Variants in TRRAP observed in about 807,000 individuals in gnomAD.
TRRAP encodes the protein transformation/transcription domain associated protein, also known as transformation/transcription domain-associated protein.
A neutral mutation model predicts 438.8 loss-of-function variants in TRRAP; 41 were observed. The ratio of observed to expected loss-of-function variants is 0.09; its 90% CI spans 0.07 to 0.12. TRRAP has a LOEUF of 0.12. Among genes scored for constraint, TRRAP ranks in the 10% least tolerant of loss-of-function variants. The pLI is 1.00. For missense variants in TRRAP, 3,122 were observed against 5,055.1 expected (o/e 0.62, Z 11.60); for synonymous variants, 1,994 against 1,962.9 (o/e 1.02, Z -0.42).
intron 56 of TRRAP, among the ~76,000 whole-genome samples, chr7:98,977,441 G>C (rs1706101517): frequency 6.6e-6 from 1 of 152,218 alleles, no homozygotes. Context: ...TTACAGGTAT[G>C]AGCCACTGCG....
intron 41 of TRRAP, among the ~76,000 whole-genome samples, chr7:98,955,691 G>A (rs1390854886): frequency 6.6e-6 from 1 of 152,122 alleles, no homozygotes; most frequent in Non-Finnish European, 1.5e-5. Context: ...CCCTTTTTGT[G>A]GGATTTATTT....
rs149973553 is a variant in TRRAP, at chr7:98,910,195, C to G, written c.1490C>G (p.Ala497Gly). The G allele has an allele frequency of 9.3e-6, 15 of 1,605,364 alleles. No individual in the cohort carries two copies. In the African/African-American group the frequency reaches 2.0e-4, roughly 21 times the overall value. Reference protein sequence around the residue: ...VPTAPAAPGPAPSPAPVPAPP... With the variant: ...VPTAPAAPGPGPSPAPVPAPP... Reference sequence around the variant, plus strand: ...ACTGCCCCTGCAGCTCCTGGCCCTGCTCCCTCCCCAGCCCCTGTCCCTGCC... The same window carrying G: ...ACTGCCCCTGCAGCTCCTGGCCCTGGTCCCTCCCCAGCCCCTGTCCCTGCC... The change falls in exon 15 of 73, where the codon GCT becomes GGT. Residue 497 changes from alanine to glycine, a missense_variant. Coordinates refer to ENST00000456197, the MANE Select transcript of TRRAP (RefSeq NM_001375524.1).
chr7:98,977,482 T>G (rs1376052445), intron 56 of TRRAP, among the ~76,000 whole-genome samples: 1 of 152,226 alleles, frequency 6.6e-6, no homozygotes, highest in Non-Finnish European at 1.5e-5. Context: ...TAAATACGTT[T>G]TAAAGCATTT....
In TRRAP at chr7:99,012,047, C is replaced by A; in HGVS notation, c.11338-24C>A. ...GGGCTGTTCTTGGTTAAACACAAGT[C>A]GTCTCGTTCTCTCCCTCACGCAGGT... On this transcript the variant is annotated intron_variant, in intron 72 of 72. Coordinates refer to ENST00000456197, the MANE Select transcript of TRRAP (RefSeq NM_001375524.1). The surrounding 1 kb of genome is among the most constrained non-coding windows in gnomAD (Gnocchi z 5.9). The A allele has an allele frequency of 6.2e-7, 1 of 1,606,572 alleles. No homozygotes were observed. Among genetic ancestry groups the A allele is most frequent in the South Asian group, 1.1e-5 (1 of 90,198 alleles).
At chr7:98,940,451 T>C (rs1790749930) in intron 30 of TRRAP, among the ~76,000 whole-genome samples, 1 of 152,170 alleles carries the variant, frequency 6.6e-6, no homozygotes, top group Non-Finnish European at 1.5e-5. Flanking sequence ...TGGCCCAGCC[T>C]GTTTATTTTT....
At chr7:98,881,042 G>A in intron 1 of TRRAP, 48 bp from the exon 2 acceptor site, 1 of 766,964 alleles carries the variant, frequency 1.3e-6, no homozygotes, top group Non-Finnish European at 2.0e-6. Context: ...CAGAGATTGT[G>A]ATCCTGTGCC....
intron 53 of TRRAP, 77 bp downstream of exon 53, chr7:98,972,022 A>C: frequency 6.6e-7 from 1 of 1,508,984 alleles, no homozygotes; most frequent in Non-Finnish European, 8.9e-7. Context: ...ATCATTCCAC[A>C]GCAGTGTAAC....
intron 20 of TRRAP, among the ~76,000 whole-genome samples, chr7:98,920,504 A>G (rs571432903): frequency 3.9e-5 from 6 of 152,150 alleles, no homozygotes; most frequent in African/African-American, 1.4e-4. Context: ...ATAGACTTAC[A>G]TAGTGACCTG....
intron 27 of TRRAP, among the ~76,000 whole-genome samples, chr7:98,934,474 C>T (rs1168127704): frequency 6.6e-6 from 1 of 152,182 alleles, no homozygotes; most frequent in Non-Finnish European, 1.5e-5. Flanking sequence ...CTTGGCTGAT[C>T]TAGAGACAGA....
chr7:98,920,900 C>T (rs1554410381), intron 20 of TRRAP, among the ~76,000 whole-genome samples: 4 of 151,826 alleles, frequency 2.6e-5, no homozygotes, highest in Non-Finnish European at 5.9e-5. Flanking sequence ...AGTGCAGTGG[C>T]GCAATCTTGG....
chr7:98,977,172 CT>C, intron 56 of TRRAP, 96 bp downstream of exon 56: 6 of 1,545,734 alleles, frequency 3.9e-6, no homozygotes, highest in Admixed American at 1.8e-5. Flanking sequence ...TTCACGTTCT[CT>C]TTTTTTGAGA....
intron 19 of TRRAP, among the ~76,000 whole-genome samples, chr7:98,916,508 A>G: frequency 6.6e-6 from 1 of 152,134 alleles, no homozygotes; most frequent in East Asian, 1.9e-4. Flanking sequence ...GACCCTTCTC[A>G]TGTATTTCCT....
At chr7:98,979,585 C>T (rs557114475) in intron 58 of TRRAP, among the ~76,000 whole-genome samples, 3 of 152,282 alleles carry the variant, frequency 2.0e-5, no homozygotes, top group South Asian at 2.1e-4. Flanking sequence ...AATGCATTTA[C>T]GATGCTTATT....
In TRRAP at chr7:98,953,403, A is replaced by G; in HGVS notation, c.5700A>G (p.Lys1900=). The part of the protein sequence containing the change: ...GHLLLAHIIA[K]FAIHKKIVLQ... ...TGCTCCTGGCGCACATTATCGCCAAATTCGCCATACACAAGAAGATCGTCC... is the reference window on the plus strand; with the variant it reads ...TGCTCCTGGCGCACATTATCGCCAAGTTCGCCATACACAAGAAGATCGTCC... The change falls in exon 40 of 73, where the codon AAA becomes AAG. Residue 1900 remains lysine, a synonymous_variant. Transcript: ENST00000456197. The G allele has an allele frequency of 6.2e-7, 1 of 1,612,786 alleles. No homozygotes were observed. Among genetic ancestry groups the G allele is most frequent in the Admixed American group, 1.7e-5 (1 of 60,020 alleles).
rs77739125 is a variant in TRRAP at position 98,983,997 on chromosome 7, A to G, written c.9023-96A>G. 7.7e-5 allele frequency: 108 copies of G among 1,400,894 alleles called. No homozygotes were observed. The South Asian group carries it at 1.1e-3, about 14-fold the overall frequency. 86.8% of individuals were successfully genotyped at this position (1,400,894 alleles called of 1,614,324 possible). On this transcript the variant is annotated intron_variant, in intron 60 of 72. Transcript: ENST00000456197. ...ACAGAGCTGCCCATTTTCATAAGCC[A>G]TGTGTGTGTGTGTTTCATTTTTTAT...
chr7:98,994,133 C>T lies in TRRAP; in HGVS notation c.10047+396C>T, dbSNP rs781223571. Among the ~76,000 whole-genome samples the T allele has an allele frequency of 2.6e-5, 4 of 152,144 alleles. No homozygotes were observed. Among genetic ancestry groups the T allele is most frequent in the African/African-American group, 4.8e-5 (2 of 41,440 alleles). On this transcript the variant is annotated intron_variant, in intron 66 of 72. Coordinates refer to ENST00000456197, the MANE Select transcript of TRRAP (RefSeq NM_001375524.1). This position sits in a 1 kb window ranked among gnomAD's most constrained non-coding sequence, Gnocchi z 4.8. The stretch of plus-strand genomic sequence containing the variant: ...AGCAGTCAGACCACTTCCTTAATAA[C>T]GTTGGCTTAAGCTGATGACAGAATA...
chr7:98,948,083 G>T lies in TRRAP; in HGVS notation c.4549-138G>T. 8.0e-7 allele frequency: 1 copy of T among 1,252,864 alleles called. No individual in the cohort carries two copies. Among genetic ancestry groups the T allele is most frequent in the Non-Finnish European group, 1.1e-6 (1 of 896,450 alleles). 77.6% of individuals were successfully genotyped at this position (1,252,864 alleles called of 1,614,324 possible). ...TAGAACCTAAGGCTAGTAAGTTGTGGCTTTTACATGTGAACCCTTCGCTTC... is the reference window on the plus strand; with the variant it reads ...TAGAACCTAAGGCTAGTAAGTTGTGTCTTTTACATGTGAACCCTTCGCTTC... On this transcript the variant is annotated intron_variant, in intron 33 of 72. Transcript: ENST00000456197. The surrounding 1 kb of genome is among the most constrained non-coding windows in gnomAD (Gnocchi z 4.9).
chr7:98,976,600 A>T lies in TRRAP; in HGVS notation c.8077A>T (p.Ile2693Phe). 6.2e-7 allele frequency: 1 copy of T among 1,614,120 alleles called. No homozygotes were observed. Residue 2693 changes from isoleucine to phenylalanine, a missense_variant, in exon 55 of 73, where the codon ATC (isoleucine) becomes TTC (phenylalanine). Ile to Phe is a conservative substitution (Grantham distance 21). Transcript: ENST00000456197. The surrounding 1 kb of genome is among the most constrained non-coding windows in gnomAD (Gnocchi z 4.6). ...AGCCATGTCCCAGTGCGTGCCGCCAATCCCCATCCGACCCTGCGTCCTGAA... is the reference window on the plus strand; with the variant it reads ...AGCCATGTCCCAGTGCGTGCCGCCATTCCCCATCCGACCCTGCGTCCTGAA... ...VEAMSQCVPP[I>F]PIRPCVLKYL... is the part of the protein sequence containing the mutation.
chr7:98,942,087 G>A (rs1399783061), intron 30 of TRRAP, among the ~76,000 whole-genome samples: 4 of 152,330 alleles, frequency 2.6e-5, no homozygotes, highest in Middle Eastern at 3.4e-3. Flanking sequence ...TTTAAGGCCC[G>A]GGCATTTGTC....
Sources: gnomAD v4.1 joint callset for allele counts (sites outside exome capture counted in the v4.1 genomes callset) on GRCh38, gnomAD v4.1.1 for gene constraint, Gnocchi (gnomAD v3.1) non-coding constraint, MANE v1.5 for transcripts, NCBI Gene and HGNC (gene_info 2026-07-23, HGNC 2026-07-21) for gene names.